SNTG2: variants seen among roughly 807,000 people sequenced by gnomAD.
SNTG2 encodes the protein syntrophin gamma 2.
Under a neutral mutation model 70.9 loss-of-function variants are expected in SNTG2, and 74 were observed. That is an observed-to-expected ratio of 1.04 (90% CI 0.86 to 1.27). SNTG2 has a LOEUF of 1.27. SNTG2 is among the 50% of genes most tolerant of loss of function. SNTG2 has a pLI of 0.00. For synonymous variants in SNTG2, 278 were observed against 273.8 expected (o/e 1.02, Z -0.15); for missense variants, 717 against 690.7 (o/e 1.04, Z -0.43).
At chr2:996,571 CAT>C (rs1661686509) in intron 1 of SNTG2, among the ~76,000 whole-genome samples, 3 of 150,954 alleles carry the variant, frequency 2.0e-5, no homozygotes, top group African/African-American at 4.9e-5. Context: ...TAGACATACA[CAT>C]ATGTGTATCT....
rs934888065 is a variant in SNTG2 at position 1,079,365 on chromosome 2, CATA to C, written c.73-4150_73-4148del. On this transcript the variant is annotated intron_variant, in intron 1 of 16. Transcript: ENST00000308624. ...CTCTGGAAAACTAAGGCCAATTTGA[CATA>C]ATGTGTGTTAGTATAGAAGAAAGGG... Among the ~76,000 whole-genome samples, 33 of 152,348 alleles carry C rather than the reference CATA, an allele frequency of 2.2e-4. No individual in the cohort carries two copies. The Middle Eastern group carries it at 0.02, about 94-fold the overall frequency.
chr2:1,023,845 G>A, intron 1 of SNTG2, among the ~76,000 whole-genome samples: 1 of 152,212 alleles, frequency 6.6e-6, no homozygotes, highest in East Asian at 1.9e-4. Flanking sequence ...CCGGCTGCAG[G>A]CTGCTCTTGG....
chr2:1,215,785 A>G (rs1191219775), intron 9 of SNTG2, among the ~76,000 whole-genome samples: 2 of 142,286 alleles, frequency 1.4e-5, no homozygotes, highest in Non-Finnish European at 1.5e-5. Context: ...ATTCCCACCT[A>G]TGAGTGAGAA....
intron 15 of SNTG2, among the ~76,000 whole-genome samples, chr2:1,315,495 T>C (rs2148262262): frequency 6.6e-6 from 1 of 152,292 alleles, no homozygotes; most frequent in Non-Finnish European, 1.5e-5. Flanking sequence ...AAAATTACTG[T>C]TCCCTGGTGG....
intron 1 of SNTG2, among the ~76,000 whole-genome samples, chr2:1,036,569 T>C (rs567481948): frequency 6.8e-4 from 103 of 152,360 alleles, no homozygotes; most frequent in African/African-American, 2.3e-3. Context: ...ATTCTATGTT[T>C]CTATGGCAGG....
chr2:1,233,792 G>A (rs1285349324), intron 9 of SNTG2, among the ~76,000 whole-genome samples: 1 of 152,034 alleles, frequency 6.6e-6, no homozygotes. Context: ...TTCTCTAAGG[G>A]CACGAGGAAA....
chr2:1,151,459 A>G (rs1255980221), intron 6 of SNTG2, among the ~76,000 whole-genome samples: 2 of 151,638 alleles, frequency 1.3e-5, no homozygotes, highest in African/African-American at 2.4e-5. Context: ...AAATGTTGAG[A>G]CCCTTCTGCC....
chr2:1,130,590 T>G (rs1022041393), intron 4 of SNTG2, among the ~76,000 whole-genome samples: 2 of 152,196 alleles, frequency 1.3e-5, no homozygotes, highest in Non-Finnish European at 2.9e-5. Context: ...CTTTCAACAT[T>G]TATTCCCTCT....
chr2:1,119,554 T>A (rs1211716113), intron 4 of SNTG2, among the ~76,000 whole-genome samples: 5 of 147,896 alleles, frequency 3.4e-5, no homozygotes, highest in Admixed American at 3.4e-4. Flanking sequence ...AAAGGCTCGT[T>A]TTTTTTTTTT....
intron 1 of SNTG2, among the ~76,000 whole-genome samples, chr2:1,076,069 G>A (rs1663895846): frequency 6.6e-6 from 1 of 152,182 alleles, no homozygotes; most frequent in African/African-American, 2.4e-5. Context: ...AGGGGCTTAT[G>A]TTCTACATAT....
intron 4 of SNTG2, 23 bp downstream of exon 4, chr2:1,098,433 G>A: frequency 6.2e-7 from 1 of 1,610,118 alleles, no homozygotes; most frequent in South Asian, 1.1e-5. Flanking sequence ...AAAATGACCT[G>A]TGTATGCATC....
At chr2:1,184,651 T>C (rs1672134513) in intron 8 of SNTG2, among the ~76,000 whole-genome samples, 1 of 152,038 alleles carries the variant, frequency 6.6e-6, no homozygotes, top group African/African-American at 2.4e-5. Context: ...GCTACACAGT[T>C]TTAAACAACC....
rs1345135434 is a variant in SNTG2 at position 1,353,564 on chromosome 2, G to A, written c.1489-13779G>A. The stretch of plus-strand genomic sequence containing the variant: ...CCCACAGCCACCTCCTTGAATTCAC[G>A]GGGCCGTCAGTGACAGAGGAGTGGC... On this transcript the variant is annotated intron_variant, in intron 16 of 16. Coordinates refer to ENST00000308624, the MANE Select transcript of SNTG2 (RefSeq NM_018968.4). This position sits in a 1 kb window ranked among gnomAD's most constrained non-coding sequence, Gnocchi z 4.2. The A allele has an allele frequency of 6.6e-6, 1 of 152,216 alleles. No homozygotes were observed. The highest frequency in any genetic ancestry group is 1.5e-5 in the Non-Finnish European group (1 of 68,054). 9.4% of individuals were successfully genotyped at this position (152,216 alleles called of 1,614,324 possible).
chr2:1,080,764 G>A (rs565349487), intron 1 of SNTG2, among the ~76,000 whole-genome samples: 71 of 152,226 alleles, frequency 4.7e-4, no homozygotes, highest in African/African-American at 1.7e-3. Context: ...GTGGTTTATA[G>A]GATGTGGGAG....
intron 14 of SNTG2, among the ~76,000 whole-genome samples, chr2:1,285,861 T>A (rs189545665): frequency 1.2e-3 from 177 of 152,322 alleles, no homozygotes; most frequent in African/African-American, 4.1e-3. Context: ...CTGCCTGGAT[T>A]GGGCTGTTGT....
At chr2:957,326 G>A (rs1660198664) in intron 1 of SNTG2, among the ~76,000 whole-genome samples, 1 of 152,212 alleles carries the variant, frequency 6.6e-6, no homozygotes, top group East Asian at 1.9e-4. Flanking sequence ...CTCCCTGCTT[G>A]AGGGGGAGCA....
intron 4 of SNTG2, among the ~76,000 whole-genome samples, chr2:1,136,827 A>G (rs1668415931): frequency 1.3e-5 from 2 of 152,344 alleles, no homozygotes; most frequent in African/African-American, 4.8e-5. Context: ...ATTATAGTCA[A>G]ACTTTCTCAT....
intron 14 of SNTG2, among the ~76,000 whole-genome samples, chr2:1,272,673 C>T (rs1319436480): frequency 2.0e-5 from 3 of 146,870 alleles, no homozygotes; most frequent in South Asian, 2.2e-4. Flanking sequence ...TCCCAGGGAG[C>T]GGGTGTAGAA....
chr2:1,354,926 C>T (rs915601410), intron 16 of SNTG2, among the ~76,000 whole-genome samples: 3 of 152,316 alleles, frequency 2.0e-5, no homozygotes, highest in South Asian at 2.1e-4. Flanking sequence ...GTCTAAGAGC[C>T]GGGCGGAAGT....
Sources: allele counts gnomAD v4.1 joint callset (sites outside exome capture counted in the v4.1 genomes callset), GRCh38; gene constraint gnomAD v4.1.1; non-coding constraint Gnocchi (gnomAD v3.1); transcripts MANE v1.5; gene names NCBI Gene and HGNC (gene_info 2026-07-23, HGNC 2026-07-21).